Variants in SLC31A1 observed in about 807,000 individuals in gnomAD.
SLC31A1 encodes the protein high affinity copper uptake protein 1.
Under a neutral mutation model 17.2 loss-of-function variants are expected in SLC31A1, and 5 were observed. The ratio of observed to expected loss-of-function variants is 0.29; its 90% CI spans 0.15 to 0.61. The LOEUF (loss-of-function observed/expected upper bound fraction) is 0.61. Among genes scored for constraint, SLC31A1 ranks in the 20% least tolerant of loss-of-function variants. The pLI, the probability that SLC31A1 is intolerant of heterozygous loss-of-function variation, is 0.86. For synonymous variants in SLC31A1, 76 were observed against 78.8 expected (o/e 0.96, Z 0.19); for missense variants, 161 against 241.4 (o/e 0.67, Z 2.21).
intron 1 of SLC31A1, among the ~76,000 whole-genome samples, chr9:113,249,936 A>G (rs1238542259): frequency 6.6e-6 from 1 of 152,154 alleles, no homozygotes; most frequent in Non-Finnish European, 1.5e-5. Flanking sequence ...AATGCTCACC[A>G]TCACTGGCCA....
chr9:113,224,708 G>A lies in SLC31A1; in HGVS notation c.-36+3030G>A, dbSNP rs191637104. Among the ~76,000 whole-genome samples, 7 of 152,344 alleles carry A rather than the reference G, an allele frequency of 4.6e-5. No individual in the cohort carries two copies. In the East Asian group the frequency reaches 9.6e-4, roughly 21 times the overall value. Reference sequence around the variant, plus strand: ...CTCCCAAAGTGCTAGGATTAGAGGCGTGGGCCAACGCACCCGGCCTTGTGT... The same window carrying A: ...CTCCCAAAGTGCTAGGATTAGAGGCATGGGCCAACGCACCCGGCCTTGTGT... On this transcript the variant is annotated intron_variant, in intron 1 of 4. Transcript: ENST00000374212.
intron 1 of SLC31A1, among the ~76,000 whole-genome samples, chr9:113,252,757 T>C (rs1429757550): frequency 2.0e-5 from 3 of 152,156 alleles, no homozygotes; most frequent in African/African-American, 7.2e-5. Flanking sequence ...CTCTTGCAAA[T>C]ATTCATTCCC....
chr9:113,238,902 A>G (rs1831492548), intron 1 of SLC31A1, among the ~76,000 whole-genome samples: 1 of 152,228 alleles, frequency 6.6e-6, no homozygotes, highest in African/African-American at 2.4e-5. Flanking sequence ...TATGTAGTCT[A>G]TTAAACACTT....
At chr9:113,231,494 G>T (rs1292250203) in intron 1 of SLC31A1, among the ~76,000 whole-genome samples, 1 of 151,940 alleles carries the variant, frequency 6.6e-6, no homozygotes, top group East Asian at 1.9e-4. Context: ...AGCCCAGGAG[G>T]TGTAGGCCGC....
chr9:113,222,323 A>G (rs1831289049), intron 1 of SLC31A1, among the ~76,000 whole-genome samples: 1 of 152,150 alleles, frequency 6.6e-6, no homozygotes, highest in Non-Finnish European at 1.5e-5. Context: ...TCCCCACCCC[A>G]ACTTTGGCGT....
At chr9:113,224,823 T>G (rs1351898924) in intron 1 of SLC31A1, among the ~76,000 whole-genome samples, 1 of 152,254 alleles carries the variant, frequency 6.6e-6, no homozygotes, top group Non-Finnish European at 1.5e-5. Flanking sequence ...AGTTAAGTAC[T>G]TGAGCTCTGG....
intron 1 of SLC31A1, among the ~76,000 whole-genome samples, chr9:113,242,189 A>C (rs1010514155): frequency 6.8e-6 from 1 of 146,484 alleles, no homozygotes; most frequent in Non-Finnish European, 1.5e-5. Context: ...ACTCCGTCTC[A>C]AAAAAAAAAA....
intron 1 of SLC31A1, among the ~76,000 whole-genome samples, chr9:113,250,364 T>C (rs978568754): frequency 6.8e-6 from 1 of 146,958 alleles, no homozygotes; most frequent in African/African-American, 2.6e-5. Context: ...AATGATGAGT[T>C]CATGTCCTTT....
intron 1 of SLC31A1, chr9:113,223,351 C>T (rs1831307251): frequency 2.6e-6 from 1 of 382,650 alleles, no homozygotes; most frequent in African/African-American, 2.2e-5. Flanking sequence ...AAGAAAGCCA[C>T]TGTCTTCCTA....
At chr9:113,236,889 A>G (rs1192640920) in intron 1 of SLC31A1, among the ~76,000 whole-genome samples, 1 of 152,220 alleles carries the variant, frequency 6.6e-6, no homozygotes, top group Admixed American at 6.5e-5. Flanking sequence ...TTGCCTGGGA[A>G]TTATCCAGAA....
intron 1 of SLC31A1, among the ~76,000 whole-genome samples, chr9:113,247,090 G>A (rs544783955): frequency 9.9e-5 from 15 of 152,198 alleles, no homozygotes; most frequent in African/African-American, 2.2e-4. Flanking sequence ...CCATAAGCAC[G>A]CATCCCTGTT....
chr9:113,231,056 C>T (rs1831397488), intron 1 of SLC31A1, among the ~76,000 whole-genome samples: 1 of 152,104 alleles, frequency 6.6e-6, no homozygotes, highest in African/African-American at 2.4e-5. Context: ...GATCTGACCT[C>T]ACTTTGCTCC....
At chr9:113,246,245 A>T (rs1831576757) in intron 1 of SLC31A1, among the ~76,000 whole-genome samples, 1 of 151,766 alleles carries the variant, frequency 6.6e-6, no homozygotes, top group Admixed American at 6.6e-5. Context: ...AGGTTTCACC[A>T]TGTTGCCCAG....
At chr9:113,240,500 A>C (rs1463803917) in intron 1 of SLC31A1, among the ~76,000 whole-genome samples, 1 of 152,156 alleles carries the variant, frequency 6.6e-6, no homozygotes, top group Non-Finnish European at 1.5e-5. Flanking sequence ...GTAAGAGAAG[A>C]TTGCTAGGGA....
At chr9:113,257,326 C>A in intron 3 of SLC31A1, 141 bp downstream of exon 3, 1 of 786,252 alleles carries the variant, frequency 1.3e-6, no homozygotes, top group Non-Finnish European at 2.2e-6. Context: ...GTTCCTATTT[C>A]CTACCTAGAA....
At position 113,236,650 on chromosome 9, in the gene SLC31A1, C is replaced by G. The variant is rs558504837; in HGVS notation, c.-36+14972C>G. On this transcript the variant is annotated intron_variant, in intron 1 of 4. Coordinates refer to ENST00000374212, the MANE Select transcript of SLC31A1 (RefSeq NM_001859.4). The stretch of plus-strand genomic sequence containing the variant: ...GTGCTGGGATTACAGGCATGAGCCA[C>G]CACACCCGGCCCTCACTGAAACTAT... 1.6e-3 allele frequency among the ~76,000 whole-genome samples: 249 copies of G among 152,310 alleles called. 1 individual carries two copies. The highest frequency in any genetic ancestry group is 5.5e-3 in the African/African-American group (229 of 41,570).
intron 1 of SLC31A1, among the ~76,000 whole-genome samples, chr9:113,244,931 T>G (rs1831560752): frequency 6.6e-6 from 1 of 152,224 alleles, no homozygotes; most frequent in East Asian, 1.9e-4. Flanking sequence ...ACATTTCTTT[T>G]TTTTCTTGTT....
In SLC31A1 at chr9:113,262,201, A is replaced by G. The variant is rs1164669733; in HGVS notation, c.*1728A>G. On this transcript the variant is annotated 3_prime_UTR_variant, in exon 5 of 5. Coordinates refer to ENST00000374212, the MANE Select transcript of SLC31A1 (RefSeq NM_001859.4). ...GCCAGGTTTTCCTCAGGCTCCAACA[A>G]CTGTGCTTATACCAAGCAGATCCTC... The G allele has an allele frequency of 4.6e-5, 7 of 152,618 alleles. No homozygotes were observed. The highest frequency in any genetic ancestry group is 9.6e-5 in the African/African-American group (4 of 41,454). The allele number at this position is 152,618 out of a possible 1,614,324, so 9.5% of individuals were successfully genotyped here. A position where few individuals can be genotyped will look rare whatever the true frequency, so the allele number is the denominator to read the frequency against.
Position 113,258,863 on chromosome 9 carries a change from G to C in SLC31A1, c.371+1G>C. ...TTATGGAGACACACAAAACTGTTGG[G>C]TAAGAACTGAACAGATCCAGATGAA... On this transcript the variant is annotated splice_donor_variant, in intron 4 of 4. Transcript: ENST00000374212. LOFTEE classifies it high-confidence loss of function. The surrounding 1 kb of genome is among the most constrained non-coding windows in gnomAD (Gnocchi z 4.8). 2.3e-5 allele frequency: 37 copies of C among 1,614,146 alleles called. No homozygotes were observed. Among genetic ancestry groups the C allele is most frequent in the Non-Finnish European group, 3.1e-5 (37 of 1,179,956 alleles).
Sources: gnomAD v4.1 joint callset for allele counts (sites outside exome capture counted in the v4.1 genomes callset) on GRCh38, gnomAD v4.1.1 for gene constraint, Gnocchi (gnomAD v3.1) non-coding constraint, MANE v1.5 for transcripts, NCBI Gene and HGNC (gene_info 2026-07-23, HGNC 2026-07-21) for gene names.